PLA2G4C: variants seen among roughly 807,000 people sequenced by gnomAD.
PLA2G4C encodes the protein cytosolic phospholipase A2 gamma.
Under a neutral mutation model 73.8 loss-of-function variants are expected in PLA2G4C, and 64 were observed. The observed-to-expected ratio is 0.87, with a 90% CI of 0.71 to 1.07. The LOEUF is 1.07. Among genes scored for constraint, PLA2G4C ranks in the 50% least tolerant of loss-of-function variants. PLA2G4C has a pLI of 0.00. For synonymous variants in PLA2G4C, 254 were observed against 252.1 expected (o/e 1.01, Z -0.07); for missense variants, 622 against 665.4 (o/e 0.93, Z 0.72).
At position 48,085,126 on chromosome 19, in the gene PLA2G4C, A is replaced by G; in HGVS notation, c.791-14T>C. 2.5e-6 allele frequency: 4 copies of G among 1,597,928 alleles called. No individual in the cohort carries two copies. Among genetic ancestry groups the G allele is most frequent in the Non-Finnish European group, 3.4e-6 (4 of 1,165,254 alleles). ...TTCTCCATAAACCTGCCAAGAAAAT[A>G]GCAATAAAATTCAAACATTCTCCAT... is the stretch of plus-strand genomic sequence containing the variant. On this transcript the variant is annotated splice_polypyrimidine_tract_variant and intron_variant, in intron 9 of 16. Coordinates refer to ENST00000599921, the MANE Select transcript of PLA2G4C (RefSeq NM_003706.3).
intron 15 of PLA2G4C, among the ~76,000 whole-genome samples, chr19:48,054,071 A>C (rs958442515): frequency 2.6e-5 from 4 of 152,050 alleles, no homozygotes; most frequent in Non-Finnish European, 5.9e-5. Context: ...GGACAGGATG[A>C]CTCACTCAAC....
chr19:48,061,787 T>G (rs1600164226), intron 14 of PLA2G4C: 2 of 557,556 alleles, frequency 3.6e-6, no homozygotes, highest in East Asian at 3.4e-5. Context: ...CCCGGGAAGG[T>G]CTGGGATGGC....
intron 6 of PLA2G4C, among the ~76,000 whole-genome samples, chr19:48,096,289 T>C (rs951516791): frequency 6.6e-6 from 1 of 151,970 alleles, no homozygotes; most frequent in Non-Finnish European, 1.5e-5. Flanking sequence ...AGGAGAGAGA[T>C]AAAACATTCA....
intron 5 of PLA2G4C, among the ~76,000 whole-genome samples, chr19:48,098,630 G>C (rs895222287): frequency 7.1e-6 from 1 of 140,958 alleles, no homozygotes; most frequent in Non-Finnish European, 1.5e-5. Flanking sequence ...CATAATCCCA[G>C]CACTTTGGGA....
chr19:48,049,425 T>G (rs1200787881), intron 16 of PLA2G4C, among the ~76,000 whole-genome samples: 1 of 152,114 alleles, frequency 6.6e-6, no homozygotes, highest in East Asian at 1.9e-4. Flanking sequence ...ACACCGCACG[T>G]TCGGTCGTCT....
At position 48,062,165 on chromosome 19, in the gene PLA2G4C, G is replaced by C. The variant is rs754847951; in HGVS notation, c.1103-13C>G. 2 of 1,536,212 alleles carry C rather than the reference G, an allele frequency of 1.3e-6. No homozygotes were observed. Among genetic ancestry groups the C allele is most frequent in the Non-Finnish European group, 1.8e-6 (2 of 1,140,284 alleles). On this transcript the variant is annotated splice_polypyrimidine_tract_variant and intron_variant, in intron 13 of 16. Transcript: ENST00000599921. ...TCCCGGATGCCACCTGTGGTGCCCA[G>C]GAAGAAAGAGGATCAGCTGCTTCTG...
rs11564540 is a variant in PLA2G4C, at chr19:48,095,703, T to C, written c.569-99A>G. The C allele has an allele frequency of 2.3e-3, 2,808 of 1,229,928 alleles. 13 individuals are homozygous for C. Among genetic ancestry groups the C allele is most frequent in the Middle Eastern group, 0.015 (81 of 5,248 alleles). 76.2% of individuals were successfully genotyped at this position (1,229,928 alleles called of 1,614,324 possible). ...ATCTATTAATGAGGAATTACAACCA[T>C]GACAGGAGAATGTTAGAGATGGACT... On this transcript the variant is annotated intron_variant, in intron 6 of 16. Coordinates refer to ENST00000599921, the MANE Select transcript of PLA2G4C (RefSeq NM_003706.3).
At chr19:48,082,496 C>CTTTTTTTTTTTTTTTTTTTTT (rs66641645) in intron 10 of PLA2G4C, among the ~76,000 whole-genome samples, 4 of 106,280 alleles carry the variant, frequency 3.8e-5, no homozygotes, top group Non-Finnish European at 7.1e-5. Context: ...TTCTTTCTTT[C>CTTTTTTTTTTTTTTTTTTTTT]TTTTTTTTTT....
chr19:48,059,364 C>A (rs1968082464), intron 14 of PLA2G4C, among the ~76,000 whole-genome samples: 1 of 152,036 alleles, frequency 6.6e-6, no homozygotes, highest in African/African-American at 2.4e-5. Context: ...GTGTGATTGC[C>A]TCGATGTGTA....
At chr19:48,062,909 C>G (rs1968246312) in intron 13 of PLA2G4C, among the ~76,000 whole-genome samples, 1 of 152,012 alleles carries the variant, frequency 6.6e-6, no homozygotes, top group Non-Finnish European at 1.5e-5. Flanking sequence ...GCGGTTGGGG[C>G]ACAGCTTGGT....
intron 10 of PLA2G4C, among the ~76,000 whole-genome samples, chr19:48,084,513 C>T (rs2030856746): frequency 6.6e-6 from 1 of 152,140 alleles, no homozygotes; most frequent in Non-Finnish European, 1.5e-5. Context: ...CACAGAAGGC[C>T]TTTTGTAGCC....
At chr19:48,092,089 G>A (rs1347104928) in intron 7 of PLA2G4C, among the ~76,000 whole-genome samples, 2 of 150,544 alleles carry the variant, frequency 1.3e-5, no homozygotes, top group African/African-American at 4.9e-5. Flanking sequence ...TTTTGAGATA[G>A]CCCAGGCTGG....
At chr19:48,102,050 A>T (rs1273567722) in intron 4 of PLA2G4C, among the ~76,000 whole-genome samples, 3 of 152,072 alleles carry the variant, frequency 2.0e-5, no homozygotes, top group East Asian at 3.8e-4. Context: ...GCTTTCAAAG[A>T]CCTAGTCTGA....
At chr19:48,086,906 G>T (rs1340859127) in intron 9 of PLA2G4C, among the ~76,000 whole-genome samples, 1 of 152,202 alleles carries the variant, frequency 6.6e-6, no homozygotes, top group Admixed American at 6.5e-5. Flanking sequence ...ATCTCACAGA[G>T]CCTGTGTCTC....
intron 8 of PLA2G4C, 142 bp from the exon 9 acceptor site, chr19:48,088,854 G>A (rs1280188991): frequency 2.6e-5 from 18 of 694,734 alleles, no homozygotes; most frequent in Middle Eastern, 3.8e-4. Context: ...AATGGCTCTC[G>A]AGAGCCAATT....
chr19:48,099,774 T>C lies in PLA2G4C; in HGVS notation c.344A>G (p.Asp115Gly). The change falls in exon 5 of 17, where the codon GAC becomes GGC. Residue 115 changes from aspartate (D) to glycine (G), a missense_variant. Physicochemically the swap from Asp to Gly is moderately conservative, Grantham distance 94. Transcript: ENST00000599921. The stretch of plus-strand genomic sequence containing the variant: ...GGTTTTCTGTAGGCTCTTAGCCAAG[T>C]CCCACTCCTGTCGGGTAAATCGATG... The part of the protein sequence containing the change: ...LKHRFTRQEW[D>G]LAKSLQKTIQ... 1.2e-6 allele frequency: 2 copies of C among 1,613,826 alleles called. No individual in the cohort carries two copies. The highest frequency in any genetic ancestry group is 2.7e-5 in the African/African-American group (2 of 75,048).
At chr19:48,067,696 C>A (rs1968489216) in intron 13 of PLA2G4C, 95 bp downstream of exon 13, 3 of 842,368 alleles carry the variant, frequency 3.6e-6, no homozygotes, top group Non-Finnish European at 6.1e-6. Context: ...TGGGGAAGGA[C>A]CAGCCTGGGA....
intron 6 of PLA2G4C, among the ~76,000 whole-genome samples, chr19:48,095,820 A>C (rs896223978): frequency 2.0e-5 from 3 of 152,130 alleles, no homozygotes; most frequent in African/African-American, 7.2e-5. Flanking sequence ...GCCTGTTTCC[A>C]ATATTTTCCA....
chr19:48,063,908 C>T (rs1390603945), intron 13 of PLA2G4C: 2 of 151,852 alleles, frequency 1.3e-5, no homozygotes, highest in Non-Finnish European at 2.9e-5. Flanking sequence ...GGATCTCATA[C>T]AAGAAAGAAT....
Sources: gnomAD v4.1 joint callset for allele counts (sites outside exome capture counted in the v4.1 genomes callset) on GRCh38, gnomAD v4.1.1 for gene constraint, MANE v1.5 for transcripts, NCBI Gene and HGNC (gene_info 2026-07-23, HGNC 2026-07-21) for gene names.